Variants in POU6F2 observed in about 807,000 individuals in gnomAD.
POU6F2 encodes the protein POU class 6 homeobox 2.
POU6F2 carries 31 observed loss-of-function variants against 71.3 expected under a neutral mutation model. That is an observed-to-expected ratio of 0.43 (90% CI 0.33 to 0.59). The LOEUF is 0.59. Among genes scored for constraint, POU6F2 ranks in the 20% least tolerant of loss-of-function variants. The pLI, the probability that POU6F2 is intolerant of heterozygous loss-of-function variation, is 0.04. For synonymous variants in POU6F2, 347 were observed against 355.7 expected, an observed-to-expected ratio of 0.98 and a Z score of 0.27; for missense variants, 783 against 856.8, an observed-to-expected ratio of 0.91 and a Z score of 1.07.
At chr7:39,363,177 T>C (rs943375083) in intron 5 of POU6F2, among the ~76,000 whole-genome samples, 13 of 152,034 alleles carry the variant, frequency 8.6e-5, no homozygotes, top group South Asian at 2.1e-4. Context: ...GTGGTGGAGA[T>C]GGTGAGAAGT....
intron 5 of POU6F2, chr7:39,404,675 A>C (rs1787380448): frequency 6.6e-6 from 1 of 152,202 alleles, no homozygotes; most frequent in Non-Finnish European, 1.5e-5. Flanking sequence ...CTTGTATTGC[A>C]TGAAAGAAAT....
chr7:39,251,058 T>G (rs1377888601), intron 4 of POU6F2, among the ~76,000 whole-genome samples: 1 of 152,234 alleles, frequency 6.6e-6, no homozygotes, highest in Non-Finnish European at 1.5e-5. Context: ...ATTAAGGGTC[T>G]AAACTTCACA....
At chr7:39,216,230 A>G (rs560863229) in intron 4 of POU6F2, among the ~76,000 whole-genome samples, 164 of 152,310 alleles carry the variant, frequency 1.1e-3, no homozygotes, top group African/African-American at 3.7e-3. Flanking sequence ...ACGATACACT[A>G]CAGAAGTATT....
chr7:39,200,614 A>T (rs1304485265), intron 2 of POU6F2, among the ~76,000 whole-genome samples: 1 of 152,170 alleles, frequency 6.6e-6, no homozygotes, highest in African/African-American at 2.4e-5. Context: ...TGTGCAAGAG[A>T]ATGTAAATTC....
chr7:39,098,397 C>T (rs527373552), intron 2 of POU6F2, among the ~76,000 whole-genome samples: 2 of 152,138 alleles, frequency 1.3e-5, no homozygotes, highest in South Asian at 4.2e-4. Context: ...CCTCAGCCTC[C>T]TGAGTAGCTG....
chr7:39,194,481 A>G (rs1162872117), intron 2 of POU6F2, among the ~76,000 whole-genome samples: 1 of 151,772 alleles, frequency 6.6e-6, no homozygotes, highest in Admixed American at 6.6e-5. Flanking sequence ...CTCTGTATCT[A>G]GCTAAAGGTT....
intron 2 of POU6F2, among the ~76,000 whole-genome samples, chr7:39,101,073 CT>C (rs34648607): frequency 0.76 from 87,995 of 115,700 alleles, 32,520 homozygotes; most frequent in East Asian, 0.94. Context: ...TAAGTGTATT[CT>C]TTTTTTTTTT....
intron 1 of POU6F2, chr7:39,013,509 C>A: frequency 6.4e-6 from 1 of 156,774 alleles, no homozygotes; most frequent in Non-Finnish European, 1.4e-5. Context: ...ACGCTGGGAG[C>A]TGTGGACTGG....
intron 5 of POU6F2, among the ~76,000 whole-genome samples, chr7:39,399,900 G>A (rs890501244): frequency 1.3e-5 from 2 of 151,690 alleles, no homozygotes; most frequent in Non-Finnish European, 2.9e-5. Context: ...GAAAAGAAAG[G>A]TCTCAAGGGG....
chr7:39,050,073 GT>G (rs1444287563), intron 1 of POU6F2, among the ~76,000 whole-genome samples: 7 of 151,818 alleles, frequency 4.6e-5, no homozygotes, highest in African/African-American at 1.7e-4. Context: ...TACCAATATT[GT>G]TTTAAAAATG....
intron 2 of POU6F2, among the ~76,000 whole-genome samples, chr7:39,172,755 G>A (rs1170672667): frequency 1.3e-5 from 2 of 151,762 alleles, no homozygotes; most frequent in Non-Finnish European, 2.9e-5. Context: ...CAAGTAGCTG[G>A]GACTACAGGC....
intron 2 of POU6F2, among the ~76,000 whole-genome samples, chr7:39,167,921 T>G (rs1223620007): frequency 6.6e-6 from 1 of 152,076 alleles, no homozygotes; most frequent in Non-Finnish European, 1.5e-5. Flanking sequence ...TTGTGTTATG[T>G]TAAGTAAGGC....
intron 6 of POU6F2, among the ~76,000 whole-genome samples, chr7:39,419,040 T>C (rs1471206932): frequency 2.0e-5 from 3 of 146,966 alleles, no homozygotes; most frequent in Non-Finnish European, 3.0e-5. Flanking sequence ...TATATATACA[T>C]ATATATGTAT....
intron 3 of POU6F2, among the ~76,000 whole-genome samples, chr7:39,206,444 A>G (rs959722288): frequency 1.3e-5 from 2 of 152,250 alleles, no homozygotes; most frequent in African/African-American, 4.8e-5. Flanking sequence ...ATGATGTTAG[A>G]GTAATAACAA....
At chr7:39,030,500 C>CTATA (rs58426134) in intron 1 of POU6F2, among the ~76,000 whole-genome samples, 4,379 of 45,912 alleles carry the variant, frequency 0.095, 314 homozygotes, top group Non-Finnish European at 0.12. Context: ...TCAAAAAATA[C>CTATA]TATATATATA....
chr7:39,199,667 C>T (rs1319835688), intron 2 of POU6F2, among the ~76,000 whole-genome samples: 1 of 152,086 alleles, frequency 6.6e-6, no homozygotes, highest in East Asian at 1.9e-4. Flanking sequence ...TGGTCACCCC[C>T]TCACCTCTGT....
At chr7:39,016,426 A>T (rs986035825) in intron 1 of POU6F2, among the ~76,000 whole-genome samples, 1 of 151,850 alleles carries the variant, frequency 6.6e-6, no homozygotes, top group African/African-American at 2.4e-5. Context: ...ATGGGACAGA[A>T]AGGAAGACAC....
rs183655460 is a variant in POU6F2, at chr7:39,005,117, G to A, written c.105+27059G>A. Reference sequence around the variant, plus strand: ...TCTGCTGCTCACCCTGGTATTGATCGTGTCACTGGCTATAGCAGACCAAGG... The same window carrying A: ...TCTGCTGCTCACCCTGGTATTGATCATGTCACTGGCTATAGCAGACCAAGG... On this transcript the variant is annotated intron_variant, in intron 1 of 9. Transcript: ENST00000518318. The A allele has an allele frequency of 4.6e-5, 7 of 152,308 alleles. No homozygotes were observed. The East Asian group carries it at 1.2e-3, about 25-fold the overall frequency. 9.4% of individuals were successfully genotyped at this position (152,308 alleles called of 1,614,324 possible).
chr7:39,406,842 C>T (rs937906824), intron 6 of POU6F2, 102 bp downstream of exon 6: 11 of 1,440,586 alleles, frequency 7.6e-6, no homozygotes, highest in African/African-American at 4.2e-5. Context: ...CGCATCTATT[C>T]GAGGCAAATA....
Sources: allele counts gnomAD v4.1 joint callset (sites outside exome capture counted in the v4.1 genomes callset), GRCh38; gene constraint gnomAD v4.1.1; transcripts MANE v1.5; gene names NCBI Gene and HGNC (gene_info 2026-07-23, HGNC 2026-07-21).